Variants in NGEF observed in about 807,000 individuals in gnomAD.
NGEF encodes ephexin-1.
Under a neutral mutation model 80.9 loss-of-function variants are expected in NGEF, and 31 were observed. That is an observed-to-expected ratio of 0.38 (90% CI 0.29 to 0.52). NGEF has a LOEUF of 0.52. Ranked by LOEUF, NGEF falls within the 20% of genes least tolerant of loss-of-function variation. The pLI, the probability that NGEF is intolerant of heterozygous loss-of-function variation, is 0.84. For missense variants in NGEF, 709 were observed against 926.2 expected (o/e 0.77, Z 3.04); for synonymous variants, 371 against 370.2 (o/e 1.00, Z -0.03).
rs372599016 is a variant in NGEF, at chr2:233,008,799, CT to C, written c.-75+4268del. ...TTTTAAAAAACTTTACCATCTGCAT[CT>C]TTTTTTTTTTTTCTTTTTTGAGACG... On this transcript the variant is annotated intron_variant, in intron 1 of 14. Coordinates refer to ENST00000264051, the MANE Select transcript of NGEF (RefSeq NM_019850.3). Among the ~76,000 whole-genome samples the C allele has an allele frequency of 5.5e-3, 799 of 145,192 alleles. 4 individuals carry two copies. Among genetic ancestry groups the C allele is most frequent in the Middle Eastern group, 0.015 (4 of 274 alleles).
intron 5 of NGEF, among the ~76,000 whole-genome samples, chr2:232,897,919 C>T (rs12622812): frequency 5.1e-3 from 742 of 146,156 alleles, no homozygotes; most frequent in East Asian, 0.049. Context: ...CCCCACGTCG[C>T]ATCTGCCTCA....
chr2:232,943,596 C>T (rs55727253), intron 3 of NGEF, among the ~76,000 whole-genome samples: 40 of 151,060 alleles, frequency 2.6e-4, no homozygotes, highest in African/African-American at 6.6e-4. Flanking sequence ...CCCGGGTTCA[C>T]GCCATTCTCC....
intron 3 of NGEF, among the ~76,000 whole-genome samples, chr2:232,967,008 A>G (rs1272135904): frequency 6.6e-6 from 1 of 152,076 alleles, no homozygotes; most frequent in Non-Finnish European, 1.5e-5. Flanking sequence ...TATAGTTTGT[A>G]TTTTTGTCCC....
intron 5 of NGEF, among the ~76,000 whole-genome samples, chr2:232,911,010 C>T (rs1204941445): frequency 6.6e-6 from 1 of 152,186 alleles, no homozygotes; most frequent in Non-Finnish European, 1.5e-5. Flanking sequence ...TCAAGACCAA[C>T]TGATCCATTT....
At chr2:232,895,210 CAAAATATGAAACAAGACA>C (rs1196784634) in intron 5 of NGEF, among the ~76,000 whole-genome samples, 1 of 152,112 alleles carries the variant, frequency 6.6e-6, no homozygotes, top group Non-Finnish European at 1.5e-5. Context: ...GCCTAAGATC[CAAAATATGAAACAAGACA>C]AAAACGAGAG....
chr2:232,925,210 A>T (rs574282192), intron 4 of NGEF, among the ~76,000 whole-genome samples: 2 of 152,298 alleles, frequency 1.3e-5, no homozygotes, highest in African/African-American at 4.8e-5. Flanking sequence ...TAATCATCTT[A>T]GGAAGCTGCC....
chr2:232,992,039 T>A (rs1262215571), intron 1 of NGEF, among the ~76,000 whole-genome samples: 2 of 152,088 alleles, frequency 1.3e-5, no homozygotes, highest in Non-Finnish European at 2.9e-5. Context: ...AAAGAATGAA[T>A]TTGGATTCCT....
At chr2:232,909,953 T>C (rs1692657758) in intron 5 of NGEF, among the ~76,000 whole-genome samples, 1 of 152,254 alleles carries the variant, frequency 6.6e-6, no homozygotes, top group Non-Finnish European at 1.5e-5. Context: ...GTTTCTTCCT[T>C]TTTATTGCAT....
chr2:232,883,141 C>T (rs547811140), intron 12 of NGEF, among the ~76,000 whole-genome samples, 170 bp downstream of exon 12: 134 of 152,214 alleles, frequency 8.8e-4, no homozygotes, highest in Non-Finnish European at 1.6e-3. Context: ...CCACCCCCAG[C>T]GGCTCCATAG....
At chr2:232,918,015 G>A (rs574308058) in intron 5 of NGEF, among the ~76,000 whole-genome samples, 15 of 152,054 alleles carry the variant, frequency 9.9e-5, no homozygotes, top group East Asian at 3.9e-4. Flanking sequence ...GTGCAGTTGC[G>A]CGATCTTGGC....
chr2:232,967,322 C>G (rs772718621), intron 3 of NGEF, among the ~76,000 whole-genome samples: 2 of 151,908 alleles, frequency 1.3e-5, no homozygotes, highest in Non-Finnish European at 2.9e-5. Context: ...GCCAATCAAA[C>G]TTCTTTTCTT....
At chr2:232,925,135 G>A (rs1575019873) in intron 4 of NGEF, among the ~76,000 whole-genome samples, 1 of 152,204 alleles carries the variant, frequency 6.6e-6, no homozygotes, top group Non-Finnish European at 1.5e-5. Flanking sequence ...GCTTGCACTT[G>A]CAATTACCTC....
At position 232,956,564 on chromosome 2, in the gene NGEF, C is replaced by T. The variant is rs190577752; in HGVS notation, c.383+13650G>A. 1.9e-3 allele frequency among the ~76,000 whole-genome samples: 288 copies of T among 152,048 alleles called. 2 individuals are homozygous for T. The highest frequency in any genetic ancestry group is 0.017 in the Middle Eastern group (5 of 294). On this transcript the variant is annotated intron_variant, in intron 3 of 14. Coordinates refer to ENST00000264051, the MANE Select transcript of NGEF (RefSeq NM_019850.3). ...GGGCGGATACCTGAGGTCAGGAGTT[C>T]GAGACCAGCCTGGCCAACATGGCGA...
intron 11 of NGEF, 92 bp from the exon 12 acceptor site, chr2:232,883,558 C>T: frequency 8.0e-7 from 1 of 1,254,888 alleles, no homozygotes; most frequent in Non-Finnish European, 1.1e-6. Flanking sequence ...ACAAGCCTGG[C>T]TCCACAGCGC....
chr2:232,883,285 T>G lies in NGEF; in HGVS notation c.1757+26A>C, dbSNP rs963024392. The G allele has an allele frequency of 6.4e-6, 10 of 1,567,342 alleles. No homozygotes were observed. In the East Asian group the frequency reaches 6.8e-5, roughly 11 times the overall value. On this transcript the variant is annotated intron_variant, in intron 12 of 14. Transcript: ENST00000264051. ...CACAGAAAGGTGCCACGGGTAGCAC[T>G]GGGCGTGTGGCGGCGAGGCACTCAC... is the stretch of plus-strand genomic sequence containing the variant.
At chr2:232,946,566 G>A (rs1247429494) in intron 3 of NGEF, among the ~76,000 whole-genome samples, 1 of 152,238 alleles carries the variant, frequency 6.6e-6, no homozygotes, top group African/African-American at 2.4e-5. Context: ...AGCTCTGACT[G>A]CTGAATAGTC....
rs766678125 is a variant in NGEF, at chr2:232,894,760, C to T, written c.985G>A (p.Glu329Lys). The T allele has an allele frequency of 1.9e-6, 3 of 1,580,048 alleles. No individual in the cohort carries two copies. Among genetic ancestry groups the T allele is most frequent in the South Asian group, 2.2e-5 (2 of 89,404 alleles). Residue 329 changes from glutamate (E) to lysine (K), a missense_variant, in exon 6 of 15, where the codon GAG becomes AAG. This residue lies in a region of NGEF where 426 missense variants were observed against 622.9 expected (regional missense o/e 0.68). Coordinates refer to ENST00000264051, the MANE Select transcript of NGEF (RefSeq NM_019850.3). ...GGCTGTCCCCCCCGTCCTCACCGCT[C>T]ACTGACAGCCAGCACGTCCAGGACG... Reference protein sequence around the residue: ...SNVLDVLAVSERFLLELEHRM... With the variant: ...SNVLDVLAVSKRFLLELEHRM...
At chr2:233,001,683 T>C (rs1694981563) in intron 1 of NGEF, among the ~76,000 whole-genome samples, 1 of 152,210 alleles carries the variant, frequency 6.6e-6, no homozygotes, top group Non-Finnish European at 1.5e-5. Context: ...AAACGAGCAG[T>C]AGCCTGGCCA....
At chr2:232,970,109 AT>A in intron 3 of NGEF, 104 bp downstream of exon 3, 33 of 506,726 alleles carry the variant, frequency 6.5e-5, no homozygotes, top group East Asian at 1.1e-4. Flanking sequence ...AGTTATTATT[AT>A]TTTTTTTAAC....
Sources: allele counts gnomAD v4.1 joint callset (sites outside exome capture counted in the v4.1 genomes callset), GRCh38; gene constraint gnomAD v4.1.1; regional missense constraint gnomAD v4.1.1; transcripts MANE v1.5; gene names NCBI Gene and HGNC (gene_info 2026-07-23, HGNC 2026-07-21).